ITPR1: variants seen among roughly 807,000 people sequenced by gnomAD.
The protein encoded by ITPR1 is inositol 1,4,5-trisphosphate receptor type 1, also known as inositol 1,4,5-trisphosphate-gated calcium channel ITPR1.
A neutral mutation model predicts 318.4 loss-of-function variants in ITPR1; 96 were observed. That is an observed-to-expected ratio of 0.30 (90% CI 0.26 to 0.36). The LOEUF (loss-of-function observed/expected upper bound fraction) is 0.36, where lower values mean the gene tolerates loss of function less well. ITPR1 is among the 10% of genes least tolerant of loss of function. The probability of loss-of-function intolerance (pLI) is 1.00; values close to 1 mark genes in which losing one functional copy is unlikely to be tolerated. For synonymous variants in ITPR1, 1,312 were observed against 1,289.9 expected, an observed-to-expected ratio of 1.02 and a Z score of -0.37; for missense variants, 2,440 against 3,460.2, an observed-to-expected ratio of 0.71 and a Z score of 7.40.
intron 4 of ITPR1, among the ~76,000 whole-genome samples, chr3:4,570,060 T>G (rs1221211248): frequency 1.3e-5 from 2 of 152,148 alleles, no homozygotes. Context: ...AATTGCGTAT[T>G]TTTACACTCA....
intron 5 of ITPR1, among the ~76,000 whole-genome samples, chr3:4,635,025 G>A (rs1307373855): frequency 6.6e-6 from 1 of 152,222 alleles, no homozygotes; most frequent in Admixed American, 6.5e-5. Context: ...TTACAGGCGT[G>A]AGCCACCGTA....
chr3:4,740,635 G>A (rs1387984822), intron 44 of ITPR1, among the ~76,000 whole-genome samples: 1 of 152,110 alleles, frequency 6.6e-6, no homozygotes, highest in Non-Finnish European at 1.5e-5. Flanking sequence ...TCCCAGGGGT[G>A]GTGTCCCCAG....
intron 4 of ITPR1, among the ~76,000 whole-genome samples, chr3:4,603,727 T>G (rs1374837583): frequency 6.6e-6 from 1 of 152,212 alleles, no homozygotes; most frequent in Non-Finnish European, 1.5e-5. Context: ...CACATTTTCT[T>G]TCACCAGTCC....
chr3:4,535,652 A>G (rs1225682308), intron 4 of ITPR1, among the ~76,000 whole-genome samples: 1 of 151,622 alleles, frequency 6.6e-6, no homozygotes, highest in African/African-American at 2.4e-5. Context: ...TCACTGTGTT[A>G]GCCAGGATGG....
At chr3:4,494,582 G>T (rs2080403330) in intron 2 of ITPR1, 76 bp downstream of exon 2, 2 of 152,198 alleles carry the variant, frequency 1.3e-5, no homozygotes, top group African/African-American at 2.4e-5. Context: ...TATCTAAACC[G>T]CCAAGGAGGT....
At chr3:4,620,093 A>T (rs1288394821) in intron 4 of ITPR1, among the ~76,000 whole-genome samples, 1 of 152,114 alleles carries the variant, frequency 6.6e-6, no homozygotes, top group South Asian at 2.1e-4. Flanking sequence ...TCATACAAAA[A>T]TGGTCTGCAG....
At chr3:4,809,826 G>A (rs1029978887) in intron 55 of ITPR1, among the ~76,000 whole-genome samples, 7 of 152,282 alleles carry the variant, frequency 4.6e-5, no homozygotes, top group South Asian at 2.1e-4. Context: ...CTGAAGTTGC[G>A]CTTACTTGCC....
At chr3:4,686,656 T>C (rs554749515) in intron 30 of ITPR1, among the ~76,000 whole-genome samples, 1 of 152,292 alleles carries the variant, frequency 6.6e-6, no homozygotes, top group East Asian at 1.9e-4. Flanking sequence ...CACGCTTTTG[T>C]TTGCTTTTGG....
intron 4 of ITPR1, among the ~76,000 whole-genome samples, chr3:4,603,482 T>A (rs531036424): frequency 6.6e-6 from 1 of 152,130 alleles, no homozygotes; most frequent in African/African-American, 2.4e-5. Flanking sequence ...CAGGCTGGAG[T>A]GCAGTGGTGC....
At chr3:4,768,874 G>C in intron 46 of ITPR1, 110 bp downstream of exon 46, 2 of 1,059,722 alleles carry the variant, frequency 1.9e-6, no homozygotes, top group Admixed American at 2.4e-5. Flanking sequence ...TTGAGCCAAG[G>C]ATCCAGCAAG....
At chr3:4,640,005 C>T (rs900140665) in intron 6 of ITPR1, among the ~76,000 whole-genome samples, 1 of 152,056 alleles carries the variant, frequency 6.6e-6, no homozygotes, top group East Asian at 1.9e-4. Context: ...TTAAATTTGC[C>T]GTGGAGATAA....
Position 4,676,728 on chromosome 3 carries a change from T to C in ITPR1, c.2894T>C (p.Val965Ala). 3.1e-6 allele frequency: 5 copies of C among 1,613,752 alleles called. No homozygotes were observed. The highest frequency in any genetic ancestry group is 4.2e-6 in the Non-Finnish European group (5 of 1,179,806). Residue 965 changes from valine (V) to alanine (A), a missense_variant, in exon 24 of 62, where the codon GTG (valine) becomes GCG (alanine). Val to Ala is a moderately conservative substitution (Grantham distance 64). Transcript: ENST00000649015. ...TPMAAAPEGN[V>A]KQAEPEKEDI... ...ATGGCTGCTGCCCCTGAAGGCAATG[T>C]GAAGCAGGCAGAGCCTGAGAAGGAG...
chr3:4,566,586 G>A (rs994368987), intron 4 of ITPR1, among the ~76,000 whole-genome samples: 1 of 145,384 alleles, frequency 6.9e-6, no homozygotes, highest in Non-Finnish European at 1.5e-5. Flanking sequence ...GGCCCAGGAA[G>A]CCTGAATGGG....
chr3:4,496,742 C>A (rs1363587874), intron 2 of ITPR1, among the ~76,000 whole-genome samples: 1 of 152,148 alleles, frequency 6.6e-6, no homozygotes, highest in African/African-American at 2.4e-5. Context: ...GGTGTGCAAC[C>A]AACTGACTTC....
Position 4,676,735 on chromosome 3 carries a change from G to T in ITPR1, c.2901G>T (p.Gln967His), listed in dbSNP as rs1268280351. The change falls in exon 24 of 62, where the codon CAG (glutamine) becomes CAT (histidine). Residue 967 changes from glutamine to histidine, a missense_variant. This residue lies in a region of ITPR1 where 478 missense variants were observed against 696.3 expected (regional missense o/e 0.69). Transcript: ENST00000649015. The stretch of plus-strand genomic sequence containing the variant: ...CTGCCCCTGAAGGCAATGTGAAGCA[G>T]GCAGAGCCTGAGAAGGAGGACATCA... ...MAAAPEGNVK[Q>H]AEPEKEDIMV... The T allele has an allele frequency of 6.2e-7, 1 of 1,613,804 alleles. No individual in the cohort carries two copies. The highest frequency in any genetic ancestry group is 8.5e-7 in the Non-Finnish European group (1 of 1,179,840).
chr3:4,521,744 C>G (rs2082585067), intron 4 of ITPR1, among the ~76,000 whole-genome samples: 1 of 152,150 alleles, frequency 6.6e-6, no homozygotes, highest in Non-Finnish European at 1.5e-5. Context: ...TAGCATGCAC[C>G]TGTAGTCCCA....
chr3:4,724,022 T>C (rs1372059447), intron 40 of ITPR1, among the ~76,000 whole-genome samples: 1 of 152,224 alleles, frequency 6.6e-6, no homozygotes, highest in African/African-American at 2.4e-5. Flanking sequence ...GTGATCTTTC[T>C]ATCATTTTGA....
intron 38 of ITPR1, among the ~76,000 whole-genome samples, chr3:4,711,210 C>CAAAAAAA (rs1169754547): frequency 6.9e-5 from 4 of 57,906 alleles, no homozygotes; most frequent in African/African-American, 2.2e-4. Context: ...GACCTTGTCT[C>CAAAAAAA]AAAAAAAAAA....
rs2125241302 is a variant in ITPR1, at chr3:4,688,520, T to C, written c.3728T>C (p.Ile1243Thr). The change falls in exon 31 of 62, where the codon ATA (isoleucine) becomes ACA (threonine). Residue 1243 changes from isoleucine to threonine, a missense_variant. Physicochemically the swap from Ile to Thr is moderately conservative, Grantham distance 89. This residue lies in a region of ITPR1 where 222 missense variants were observed against 318.8 expected (regional missense o/e 0.70). Coordinates refer to ENST00000649015, the MANE Select transcript of ITPR1 (RefSeq NM_001378452.1). ...EKAEDTKMQE[I>T]MRLAHEFLQN... ...GCCGAAGATACCAAGATGCAAGAGA[T>C]AATGAGGTTGGCTCATGAATTTTTG... The C allele has an allele frequency of 1.2e-6, 2 of 1,614,028 alleles. No homozygotes were observed. The highest frequency in any genetic ancestry group is 1.7e-6 in the Non-Finnish European group (2 of 1,179,868).
Sources: gnomAD v4.1 joint callset for allele counts (sites outside exome capture counted in the v4.1 genomes callset) on GRCh38, gnomAD v4.1.1 for gene constraint, gnomAD v4.1.1 regional missense constraint, MANE v1.5 for transcripts, NCBI Gene and HGNC (gene_info 2026-07-23, HGNC 2026-07-21) for gene names.